Variants in MASTL observed in about 807,000 individuals in gnomAD.
MASTL encodes microtubule associated serine/threonine kinase like.
In MASTL, 54 loss-of-function variants were observed where a neutral mutation model predicts 82.5. The observed-to-expected ratio is 0.65, with a 90% CI of 0.53 to 0.82. MASTL has a LOEUF of 0.82. Ranked by LOEUF, MASTL falls within the 40% of genes least tolerant of loss-of-function variation. The pLI, the probability that MASTL is intolerant of heterozygous loss-of-function variation, is 0.00. For missense variants in MASTL, 950 were observed against 1,047.8 expected, an observed-to-expected ratio of 0.91 and a Z score of 1.29; for synonymous variants, 323 against 368.9, an observed-to-expected ratio of 0.88 and a Z score of 1.43.
intron 9 of MASTL, among the ~76,000 whole-genome samples, chr10:27,174,905 C>T (rs1037022682): frequency 2.6e-5 from 4 of 152,058 alleles, no homozygotes; most frequent in Non-Finnish European, 4.4e-5. Context: ...CACAGTTCAA[C>T]CCATAACATC....
At position 27,187,161 on chromosome 10, in the gene MASTL, A is replaced by G. The variant is rs1423742206; in HGVS notation, c.*625A>G. Among the ~76,000 whole-genome samples the G allele has an allele frequency of 6.6e-6, 1 of 152,038 alleles. No homozygotes were observed. The highest frequency in any genetic ancestry group is 1.5e-5 in the Non-Finnish European group (1 of 67,998). Reference sequence around the variant, plus strand: ...CTGTAAATACACAAATTAGCCGGGCATGTTGGTGGGCGCCTGTAGTCCCAG... The same window carrying G: ...CTGTAAATACACAAATTAGCCGGGCGTGTTGGTGGGCGCCTGTAGTCCCAG... On this transcript the variant is annotated 3_prime_UTR_variant, in exon 12 of 12. Coordinates refer to ENST00000375940, the MANE Select transcript of MASTL (RefSeq NM_001172303.3).
Position 27,159,810 on chromosome 10 carries a change from A to G in MASTL, c.464+52A>G. ...ACTTAAAAATTCAAGTAATCAAATT[A>G]CATATTTGAGTCTCAGATATTCACA... On this transcript the variant is annotated intron_variant, in intron 3 of 11. Coordinates refer to ENST00000375940, the MANE Select transcript of MASTL (RefSeq NM_001172303.3). The surrounding 1 kb of genome is among the most constrained non-coding windows in gnomAD (Gnocchi z 4.0). 4 of 1,480,326 alleles carry G rather than the reference A, an allele frequency of 2.7e-6. No individual in the cohort carries two copies. In the South Asian group the frequency reaches 4.5e-5, roughly 17 times the overall value. 91.7% of individuals were successfully genotyped at this position (1,480,326 alleles called of 1,614,324 possible). A position where few individuals can be genotyped will look rare whatever the true frequency, so the allele number is the denominator to read the frequency against.
Position 27,167,154 on chromosome 10 carries a change from T to C in MASTL, c.864T>C (p.Ser288=). ...NPGMPVKCLT[S]NLLQSRKRLA... ...GAATGCCTGTGAAGTGTCTAACTTC[T>C]AATTTACTCCAGTCTAGGAAAAGGC... Residue 288 remains serine (S), a synonymous_variant, in exon 7 of 12, where the codon TCT becomes TCC. Coordinates refer to ENST00000375940, the MANE Select transcript of MASTL (RefSeq NM_001172303.3). The C allele has an allele frequency of 1.2e-6, 2 of 1,614,120 alleles. No homozygotes were observed. Among genetic ancestry groups the C allele is most frequent in the South Asian group, 2.2e-5 (2 of 91,088 alleles).
chr10:27,179,335 G>A (rs1010833901), intron 9 of MASTL, among the ~76,000 whole-genome samples: 3 of 152,090 alleles, frequency 2.0e-5, no homozygotes, highest in South Asian at 2.1e-4. Flanking sequence ...CAGGTGGATC[G>A]CAAGGTCAGG....
At chr10:27,156,821 T>A (rs1297587739) in intron 1 of MASTL, among the ~76,000 whole-genome samples, 1 of 138,400 alleles carries the variant, frequency 7.2e-6, no homozygotes, top group Non-Finnish European at 1.5e-5. Flanking sequence ...CGCCCTGCCC[T>A]GCTATGAATT....
Position 27,170,382 on chromosome 10 carries a change from A to G in MASTL, c.1423A>G (p.Asn475Asp). The G allele has an allele frequency of 6.2e-7, 1 of 1,614,024 alleles. No individual in the cohort carries two copies. The highest frequency in any genetic ancestry group is 8.5e-7 in the Non-Finnish European group (1 of 1,179,902). Residue 475 changes from asparagine to aspartate, a missense_variant, in exon 8 of 12, where the codon AAT becomes GAT. Physicochemically the swap from Asn to Asp is conservative, Grantham distance 23. Coordinates refer to ENST00000375940, the MANE Select transcript of MASTL (RefSeq NM_001172303.3). ...CVEYKHNEMTNCYTNQNTGLT... is the reference protein window; with the variant it reads ...CVEYKHNEMTDCYTNQNTGLT... ...AGAGTATAAGCATAACGAAATGACA[A>G]ATTGTTATACAAATCAAAATACAGG...
chr10:27,171,151 C>G (rs1287095391), intron 8 of MASTL, 68 bp downstream of exon 8: 4 of 1,284,364 alleles, frequency 3.1e-6, no homozygotes, highest in Non-Finnish European at 4.5e-6. Context: ...ACATTTGCCT[C>G]TAAGCTAGAC....
intron 8 of MASTL, among the ~76,000 whole-genome samples, chr10:27,171,973 C>A (rs1481242272): frequency 1.3e-5 from 2 of 151,716 alleles, no homozygotes; most frequent in Non-Finnish European, 2.9e-5. Flanking sequence ...GGACTACAGG[C>A]ATGTGCCACC....
Position 27,170,684 on chromosome 10 carries a change from A to AAAAT in MASTL, c.1726_1727insAATA (p.Ile576LysfsTer18). On this transcript the variant is annotated frameshift_variant, in exon 8 of 12. Transcript: ENST00000375940. LOFTEE classifies it high-confidence loss of function. Reference sequence around the variant, plus strand: ...TGAACTCTGATTCATCTTTTCCTGGAATTTCTATAATGGAAAGTCCATTAG... The same window carrying AAAAT: ...TGAACTCTGATTCATCTTTTCCTGGAAAATATTTCTATAATGGAAAGTCCATTAG... 1 of 1,612,250 alleles carries AAAAT rather than the reference A, an allele frequency of 6.2e-7. No homozygotes were observed. The highest frequency in any genetic ancestry group is 1.1e-5 in the South Asian group (1 of 90,444).
intron 10 of MASTL, among the ~76,000 whole-genome samples, 196 bp from the exon 11 acceptor site, chr10:27,181,284 G>A (rs1419329341): frequency 6.6e-6 from 1 of 152,082 alleles, no homozygotes; most frequent in Admixed American, 6.5e-5. Context: ...CCAGCTACTC[G>A]GGAGGCTGAA....
upstream of MASTL, chr10:27,154,904 CA>C (rs1345385461): frequency 6.1e-6 from 1 of 162,712 alleles, no homozygotes; most frequent in African/African-American, 2.4e-5. Flanking sequence ...GGGAAAACGT[CA>C]GATGACAGGG....
chr10:27,183,500 G>T (rs2058448818), intron 11 of MASTL, among the ~76,000 whole-genome samples: 1 of 152,046 alleles, frequency 6.6e-6, no homozygotes, highest in Admixed American at 6.6e-5. Flanking sequence ...GGCCAGGATG[G>T]TCTCGATCTC....
intron 10 of MASTL, 82 bp from the exon 11 acceptor site, chr10:27,181,398 C>CA (rs59126044): frequency 0.076 from 83,438 of 1,099,180 alleles, 9,475 homozygotes; most frequent in African/African-American, 0.5. Flanking sequence ...TCTCAAAAAA[C>CA]AAAAAAAAGT....
At chr10:27,186,268 ATAAAG>A (rs2136283953) in intron 11 of MASTL, 106 bp from the exon 12 acceptor site, 9 of 1,123,482 alleles carry the variant, frequency 8.0e-6, no homozygotes, top group Admixed American at 1.9e-5. Context: ...AACTGACATA[ATAAAG>A]TAAGGTAAGT....
intron 4 of MASTL, 28 bp from the exon 5 acceptor site, chr10:27,165,036 A>G (rs747982229): frequency 1.5e-6 from 2 of 1,370,406 alleles, no homozygotes; most frequent in Non-Finnish European, 2.1e-6. Flanking sequence ...TTTTAAATAC[A>G]TTTATATACT....
chr10:27,180,955 C>T lies in MASTL; in HGVS notation c.2269C>T (p.Pro757Ser). The T allele has an allele frequency of 2.5e-6, 4 of 1,597,636 alleles. No homozygotes were observed. Among genetic ancestry groups the T allele is most frequent in the Non-Finnish European group, 3.4e-6 (4 of 1,165,140 alleles). Residue 757 changes from proline (P) to serine (S), a missense_variant and splice_region_variant, in exon 10 of 12, where the codon CCT becomes TCT. Coordinates refer to ENST00000375940, the MANE Select transcript of MASTL (RefSeq NM_001172303.3). ...PELLLGRAHG[P>S]AVDWWALGVC... Reference sequence around the variant, plus strand: ...AGCTGTTTCCTCTTCGATTACAGGTCCTGCGGTAGACTGGTGGGCACTTGG... The same window carrying T: ...AGCTGTTTCCTCTTCGATTACAGGTTCTGCGGTAGACTGGTGGGCACTTGG...
rs1285428622 is a variant in MASTL at position 27,172,968 on chromosome 10, A to C, written c.2125-150A>C. The stretch of plus-strand genomic sequence containing the variant: ...TTTTCATAATTATAACTAATTATGC[A>C]TTCATTTTCAAAACTTATCAAAAAT... On this transcript the variant is annotated intron_variant, in intron 8 of 11. Transcript: ENST00000375940. 3 of 850,340 alleles carry C rather than the reference A, an allele frequency of 3.5e-6. No homozygotes were observed. In the African/African-American group the frequency reaches 5.1e-5, roughly 14 times the overall value. The allele number at this position is 850,340 out of a possible 1,614,324, so 52.7% of individuals were successfully genotyped here.
chr10:27,174,652 T>A (rs537433338), intron 9 of MASTL, among the ~76,000 whole-genome samples: 1 of 152,126 alleles, frequency 6.6e-6, no homozygotes, highest in Non-Finnish European at 1.5e-5. Flanking sequence ...TCAGTGTTCC[T>A]TGACTTGAAG....
In MASTL at chr10:27,186,462, G is replaced by A. The variant is rs779790086; in HGVS notation, c.2566G>A (p.Asp856Asn). The change falls in exon 12 of 12, where the codon GAT (aspartate) becomes AAT (asparagine). Residue 856 changes from aspartate (D) to asparagine (N), a missense_variant. By Grantham distance (23) the Asp-to-Asn change is conservative. Transcript: ENST00000375940. ...TATGCCTTTCATCCCCCAGCCAGAT[G>A]ATGAAACAGATACCTCCTATTTTGA... ...QTMPFIPQPD[D>N]ETDTSYFEAR... 24 of 1,613,982 alleles carry A rather than the reference G, an allele frequency of 1.5e-5. 1 individual carries two copies. In the Admixed American group the frequency reaches 3.8e-4, roughly 26 times the overall value.
Sources: gnomAD v4.1 joint callset for allele counts (sites outside exome capture counted in the v4.1 genomes callset) on GRCh38, gnomAD v4.1.1 for gene constraint, Gnocchi (gnomAD v3.1) non-coding constraint, MANE v1.5 for transcripts, NCBI Gene and HGNC (gene_info 2026-07-23, HGNC 2026-07-21) for gene names.